TRIML2: variants seen among roughly 807,000 people sequenced by gnomAD.
TRIML2 encodes the protein tripartite motif family like 2, also known as probable E3 ubiquitin-protein ligase TRIML2.
Under a neutral mutation model 31.2 loss-of-function variants are expected in TRIML2, and 28 were observed. The observed-to-expected ratio is 0.90, with a 90% CI of 0.66 to 1.23. The LOEUF (loss-of-function observed/expected upper bound fraction) is 1.23, where lower values mean the gene tolerates loss of function less well. TRIML2 is among the 50% of genes most tolerant of loss of function. The pLI, the probability that TRIML2 is intolerant of heterozygous loss-of-function variation, is 0.00. For synonymous variants in TRIML2, 187 were observed against 197.5 expected (o/e 0.95, Z 0.45); for missense variants, 536 against 528.3 (o/e 1.01, Z -0.14).
At chr4:188,107,558 T>C (rs1355886096) in intron 1 of TRIML2, among the ~76,000 whole-genome samples, 1 of 152,202 alleles carries the variant, frequency 6.6e-6, no homozygotes, top group Non-Finnish European at 1.5e-5. Context: ...ACAAAAGTTG[T>C]ACAATTTTGC....
rs1215639082 is a variant in TRIML2, at chr4:188,105,570, C to A, written c.-202G>T. 2.4e-5 allele frequency: 10 copies of A among 424,386 alleles called. No homozygotes were observed. In the East Asian group the frequency reaches 2.5e-4, roughly 11 times the overall value. The allele number at this position is 424,386 out of a possible 1,614,324, so 26.3% of individuals were successfully genotyped here. A position where few individuals can be genotyped will look rare whatever the true frequency, so the allele number is the denominator to read the frequency against. The stretch of plus-strand genomic sequence containing the variant: ...GGCGCTCTGGACTCCTCAAATCCAA[C>A]AAATTTCTGGCAGCTGCCTGCTTGG... On this transcript the variant is annotated 5_prime_UTR_variant, in exon 2 of 8. Coordinates refer to ENST00000682553, the MANE Select transcript of TRIML2 (RefSeq NM_173553.4).
At chr4:188,101,586 C>T (rs1466517406) in intron 3 of TRIML2, among the ~76,000 whole-genome samples, 3 of 151,678 alleles carry the variant, frequency 2.0e-5, no homozygotes, top group Non-Finnish European at 2.9e-5. Context: ...CCCAGCTACT[C>T]GGAAGGCTAA....
At position 188,097,173 on chromosome 4, in the gene TRIML2, G is replaced by C; in HGVS notation, c.645-12C>G. On this transcript the variant is annotated splice_polypyrimidine_tract_variant and intron_variant, in intron 6 of 7. Transcript: ENST00000682553. ...GCAGTGACTTGCTCCTGAAGAGAAA[G>C]GACAGCCTCAGTCATCTGCACAGAC... 6.2e-7 allele frequency: 1 copy of C among 1,612,868 alleles called. No homozygotes were observed. Among genetic ancestry groups the C allele is most frequent in the Non-Finnish European group, 8.5e-7 (1 of 1,178,912 alleles).
At chr4:188,103,005 GTTTTTTTTTTTTTTTT>G (rs145048322) in intron 3 of TRIML2, among the ~76,000 whole-genome samples, 1 of 97,844 alleles carries the variant, frequency 1.0e-5, no homozygotes, top group Non-Finnish European at 1.9e-5. Context: ...TACTCTCTTG[GTTTTTTTTTTTTTTTT>G]TTTTTTTTTG....
At position 188,091,944 on chromosome 4, in the gene TRIML2, A is replaced by C. The variant is rs1278045396; in HGVS notation, c.746-3T>G. 1 of 1,603,044 alleles carries C rather than the reference A, an allele frequency of 6.2e-7. No homozygotes were observed. The highest frequency in any genetic ancestry group is 8.5e-7 in the Non-Finnish European group (1 of 1,176,702). On this transcript the variant is annotated splice_region_variant and splice_polypyrimidine_tract_variant and intron_variant, in intron 7 of 7. Transcript: ENST00000682553. ...TTCAGGATCCAATGTTAAATGTCCT[A>C]TCAGGAGAGAAAACCCTCGTTAACC...
chr4:188,092,001 T>G (rs1481029415), intron 7 of TRIML2, 60 bp from the exon 8 acceptor site: 1 of 1,527,682 alleles, frequency 6.5e-7, no homozygotes, highest in African/African-American at 1.4e-5. Flanking sequence ...GCCAGAGACA[T>G]GATTTCTAAC....
rs150263298 is a variant in TRIML2, at chr4:188,099,165, C to T, written c.491G>A (p.Arg164His). Residue 164 changes from arginine (R) to histidine (H), a missense_variant, in exon 5 of 8, where the codon CGT becomes CAT. Arg to His is a conservative substitution (Grantham distance 29). Transcript: ENST00000682553. ...TTTCTCCATGTTCTCTCTCCCCACA[C>T]GGCCCAGTCTCTGCAGAAGCATTTC... Reference protein sequence around the residue: ...MFQEMLQRLGRVGRENMEKLK... With the variant: ...MFQEMLQRLGHVGRENMEKLK... 1.2e-3 allele frequency: 1,864 copies of T among 1,608,396 alleles called. 1 individual carries two copies. Among genetic ancestry groups the T allele is most frequent in the Non-Finnish European group, 1.5e-3 (1,773 of 1,178,238 alleles).
chr4:188,106,851 G>A, intron 1 of TRIML2: 1 of 258,546 alleles, frequency 3.9e-6, no homozygotes, highest in Non-Finnish European at 8.0e-6. Context: ...CTGAGCCGCG[G>A]GTGCGGTACC....
At chr4:188,106,860 C>CG (rs1365568918) in intron 1 of TRIML2, 1 of 260,862 alleles carries the variant, frequency 3.8e-6, no homozygotes. Flanking sequence ...GGGTGCGGTA[C>CG]CACCGGCGCT....
chr4:188,092,476 A>ACAAACAAT (rs1429296297), intron 7 of TRIML2, among the ~76,000 whole-genome samples: 2 of 151,694 alleles, frequency 1.3e-5, no homozygotes, highest in African/African-American at 4.8e-5. Flanking sequence ...AAACAAACAA[A>ACAAACAAT]CAAACAAACA....
rs1421693318 is a variant in TRIML2, at chr4:188,107,088, C to T, written c.-222-1498G>A. On this transcript the variant is annotated intron_variant, in intron 1 of 7. Transcript: ENST00000682553. ...GGAGCACAGTGGCACGATCTCAGCT[C>T]ACTGCAACCTCCGCCTCCCGGGTTC... Among the ~76,000 whole-genome samples, 5 of 116,366 alleles carry T rather than the reference C, an allele frequency of 4.3e-5. No individual in the cohort carries two copies. The Admixed American group carries it at 5.0e-4, about 12-fold the overall frequency. The allele number at this position is 116,366 out of a possible 152,430, so 76.3% of individuals were successfully genotyped here. A position where few individuals can be genotyped will look rare whatever the true frequency, so the allele number is the denominator to read the frequency against.
chr4:188,101,597 G>A (rs1397466102), intron 3 of TRIML2, among the ~76,000 whole-genome samples: 1 of 151,976 alleles, frequency 6.6e-6, no homozygotes, highest in African/African-American at 2.4e-5. Flanking sequence ...GGAAGGCTAA[G>A]GCAGGAGAAT....
intron 7 of TRIML2, among the ~76,000 whole-genome samples, chr4:188,092,555 T>C (rs1733314926): frequency 6.6e-6 from 1 of 152,018 alleles, no homozygotes; most frequent in Non-Finnish European, 1.5e-5. Flanking sequence ...AGATATCACT[T>C]GGGGCCCAAC....
chr4:188,091,323 G>A lies in TRIML2; in HGVS notation c.*50C>T. ...TTTACACAAATTCTTTCAAAGTCTT[G>A]TTCTCCAACTTTCTGGTGTCTCGTG... On this transcript the variant is annotated 3_prime_UTR_variant, in exon 8 of 8. Transcript: ENST00000682553. 6.5e-7 allele frequency: 1 copy of A among 1,543,392 alleles called. No individual in the cohort carries two copies. Among genetic ancestry groups the A allele is most frequent in the Non-Finnish European group, 8.8e-7 (1 of 1,135,418 alleles).
intron 1 of TRIML2, chr4:188,106,566 C>A: frequency 6.5e-6 from 1 of 154,658 alleles, no homozygotes; most frequent in South Asian, 1.8e-4. Context: ...ACATGCAGTT[C>A]TTGGTCCGCG....
chr4:188,104,776 C>G (rs564861825), intron 3 of TRIML2, 61 bp downstream of exon 3: 1 of 1,338,516 alleles, frequency 7.5e-7, no homozygotes, highest in African/African-American at 1.4e-5. Context: ...TTATGATACA[C>G]TATTTTCTAA....
At chr4:188,095,451 G>A (rs1394437287) in intron 7 of TRIML2, among the ~76,000 whole-genome samples, 1 of 152,054 alleles carries the variant, frequency 6.6e-6, no homozygotes. Flanking sequence ...TTTAGAAAAG[G>A]GGTTTGTACA....
At chr4:188,100,448 C>T (rs1001123875) in intron 4 of TRIML2, among the ~76,000 whole-genome samples, 3 of 152,276 alleles carry the variant, frequency 2.0e-5, no homozygotes, top group South Asian at 2.1e-4. Flanking sequence ...CTAGGCCGGG[C>T]GCGGTGGCTC....
chr4:188,109,601 G>C lies in TRIML2; in HGVS notation c.-581C>G, dbSNP rs572752635. On this transcript the variant is annotated 5_prime_UTR_variant, in exon 1 of 8. Transcript: ENST00000682553. ...CCAAGGTATTTCCTTTAGGGAAAAA[G>C]CTGGAACAGTGGAGACTGAAGAGAT... is the stretch of plus-strand genomic sequence containing the variant. 1 of 152,200 alleles carries C rather than the reference G, an allele frequency of 6.6e-6. No homozygotes were observed. Among genetic ancestry groups the C allele is most frequent in the South Asian group, 2.1e-4 (1 of 4,816 alleles). 9.4% of individuals were successfully genotyped at this position (152,200 alleles called of 1,614,324 possible).
Sources: gnomAD v4.1 joint callset for allele counts (sites outside exome capture counted in the v4.1 genomes callset) on GRCh38, gnomAD v4.1.1 for gene constraint, MANE v1.5 for transcripts, NCBI Gene and HGNC (gene_info 2026-07-23, HGNC 2026-07-21) for gene names.